Variants in ABCC2 observed in about 807,000 individuals in gnomAD.
The protein encoded by ABCC2 is ATP binding cassette subfamily C member 2, also known as ATP-binding cassette sub-family C member 2.
In ABCC2, 157 loss-of-function variants were observed where a neutral mutation model predicts 173.4. The observed-to-expected ratio is 0.91, with a 90% CI of 0.80 to 1.03. The LOEUF is 1.03. Among genes scored for constraint, ABCC2 ranks in the 50% least tolerant of loss-of-function variants. ABCC2 has a pLI of 0.00. For missense variants in ABCC2, 1,822 were observed against 1,852.3 expected, an observed-to-expected ratio of 0.98 and a Z score of 0.30; for synonymous variants, 657 against 693.5, an observed-to-expected ratio of 0.95 and a Z score of 0.83.
In ABCC2 at chr10:99,784,167, T is replaced by TATG. The variant is rs566392312; in HGVS notation, c.34-439_34-437dup. On this transcript the variant is annotated intron_variant, in intron 1 of 31. Transcript: ENST00000647814. ...GGCCATCAGAGAGCAAATGTTACAG[T>TATG]ATGACTAAGCATTCTCCCTGCATGG... Among the ~76,000 whole-genome samples, 24 of 152,188 alleles carry TATG rather than the reference T, an allele frequency of 1.6e-4. No individual in the cohort carries two copies. In the East Asian group the frequency reaches 4.1e-3, roughly 26 times the overall value.
intron 3 of ABCC2, 45 bp from the exon 4 acceptor site, chr10:99,793,506 G>A (rs1278488906): frequency 6.2e-7 from 1 of 1,613,062 alleles, no homozygotes; most frequent in Non-Finnish European, 8.5e-7. Flanking sequence ...TCAGTCCTCG[G>A]TTAGTGGCAG....
chr10:99,811,715 C>G, intron 15 of ABCC2, 113 bp downstream of exon 15: 1 of 1,206,838 alleles, frequency 8.3e-7, no homozygotes. Flanking sequence ...TGCATGTCTT[C>G]GGTTAGATAC....
At chr10:99,805,616 A>G (rs1403844610) in intron 11 of ABCC2, among the ~76,000 whole-genome samples, 169 bp downstream of exon 11, 1 of 151,952 alleles carries the variant, frequency 6.6e-6, no homozygotes, top group Non-Finnish European at 1.5e-5. Context: ...GTTGAACCCC[A>G]ATTTCTATTT....
At chr10:99,800,694 C>A in intron 9 of ABCC2, 131 bp downstream of exon 9, 1 of 1,043,008 alleles carries the variant, frequency 9.6e-7, no homozygotes. Context: ...GCCATACAGC[C>A]TCCTTTAGAT....
In ABCC2 at chr10:99,831,686, G is replaced by C; in HGVS notation, c.2959G>C (p.Val987Leu). 2.5e-6 allele frequency: 4 copies of C among 1,614,196 alleles called. No homozygotes were observed. The highest frequency in any genetic ancestry group is 1.7e-5 in the Admixed American group (1 of 60,024). ...FSIFFIILAF[V>L]MNSVAFIGSN... The stretch of plus-strand genomic sequence containing the variant: ...GATATTCTTCATCATCCTTGCGTTT[G>C]TGATGAATTCTGTGGCTTTTATTGG... Residue 987 changes from valine (V) to leucine (L), a missense_variant, in exon 22 of 32, where the codon GTG becomes CTG. Val to Leu is a conservative substitution (Grantham distance 32). Transcript: ENST00000647814.
chr10:99,819,015 G>A, intron 18 of ABCC2, 58 bp downstream of exon 18: 3 of 1,603,094 alleles, frequency 1.9e-6, no homozygotes, highest in African/African-American at 1.3e-5. Context: ...GAGAGGGGAG[G>A]ACATGTCTGG....
At chr10:99,836,685 C>T (rs562577305) in intron 25 of ABCC2, among the ~76,000 whole-genome samples, 6 of 152,170 alleles carry the variant, frequency 3.9e-5, no homozygotes, top group South Asian at 4.1e-4. Context: ...TTTCTGAGAA[C>T]GGATGTGAGA....
At chr10:99,834,609 TTCTC>T in intron 24 of ABCC2, 74 bp downstream of exon 24, 1 of 1,523,298 alleles carries the variant, frequency 6.6e-7, no homozygotes. Flanking sequence ...CCTGAGAATC[TTCTC>T]TCTGATTCAT....
chr10:99,822,474 G>GTTCA (rs1437052455), intron 19 of ABCC2, among the ~76,000 whole-genome samples: 3 of 151,876 alleles, frequency 2.0e-5, no homozygotes, highest in African/African-American at 7.3e-5. Context: ...TCTCCGATGG[G>GTTCA]TTCATTGTAG....
rs771999211 is a variant in ABCC2 at position 99,812,556 on chromosome 10, AT to A, written c.1968-459del. ...TTCCAGGTGACACATTTAGTACCTA[AT>A]TTGGGAAATGTTAATCTAGTCCAAT... On this transcript the variant is annotated intron_variant, in intron 15 of 31. Transcript: ENST00000647814. Among the ~76,000 whole-genome samples the A allele has an allele frequency of 1.2e-3, 176 of 152,302 alleles. 1 individual carries two copies. Among genetic ancestry groups the A allele is most frequent in the Non-Finnish European group, 2.0e-3 (138 of 68,018 alleles).
At chr10:99,783,015 G>A (rs1040068869) in intron 1 of ABCC2, 138 bp downstream of exon 1, 17 of 799,496 alleles carry the variant, frequency 2.1e-5, no homozygotes, top group Admixed American at 1.0e-4. Context: ...TTTTTAGAAA[G>A]CATAATTCAT....
chr10:99,824,964 G>C (rs373641807), intron 19 of ABCC2, among the ~76,000 whole-genome samples: 113 of 95,444 alleles, frequency 1.2e-3, no homozygotes, highest in Middle Eastern at 8.8e-3. Flanking sequence ...CGGTTTTTCT[G>C]TTTTCCAAGT....
intron 14 of ABCC2, among the ~76,000 whole-genome samples, chr10:99,810,641 G>A (rs2038194212): frequency 6.6e-6 from 1 of 152,230 alleles, no homozygotes; most frequent in Admixed American, 6.5e-5. Context: ...ATTCATACAA[G>A]GGGACTGGGC....
intron 19 of ABCC2, among the ~76,000 whole-genome samples, chr10:99,821,980 C>A (rs1252312431): frequency 6.6e-6 from 1 of 152,038 alleles, no homozygotes; most frequent in East Asian, 1.9e-4. Flanking sequence ...TCCTGGTGCT[C>A]TCCCTAGGCA....
At chr10:99,808,885 G>A (rs951427638) in intron 13 of ABCC2, among the ~76,000 whole-genome samples, 4 of 152,188 alleles carry the variant, frequency 2.6e-5, no homozygotes, top group Non-Finnish European at 4.4e-5. Context: ...AGAGAGCTCA[G>A]ACCATGGGAA....
intron 1 of ABCC2, 101 bp from the exon 2 acceptor site, chr10:99,784,507 G>A: frequency 8.2e-7 from 1 of 1,220,586 alleles, no homozygotes; most frequent in South Asian, 1.2e-5. Context: ...TATGGATATG[G>A]AGTTGAATTT....
At chr10:99,843,336 T>G (rs940005498) in intron 26 of ABCC2, among the ~76,000 whole-genome samples, 1 of 152,254 alleles carries the variant, frequency 6.6e-6, no homozygotes, top group Non-Finnish European at 1.5e-5. Flanking sequence ...GTGGCTCCCT[T>G]TCTTTAACCA....
chr10:99,794,115 A>C, intron 5 of ABCC2, 116 bp downstream of exon 5: 2 of 971,950 alleles, frequency 2.1e-6, no homozygotes, highest in Non-Finnish European at 3.1e-6. Context: ...ATAAGGTAGT[A>C]CAGACCATTT....
chr10:99,818,833 C>A lies in ABCC2; in HGVS notation c.2315C>A (p.Ala772Asp). ...SGGQKQRISLARATYQNLDIY... is the reference protein window; with the variant it reads ...SGGQKQRISLDRATYQNLDIY... ...GGTCAGAAGCAGCGGATCAGCCTGGCCAGAGCTACCTACCAAAATTTAGAC... is the reference window on the plus strand; with the variant it reads ...GGTCAGAAGCAGCGGATCAGCCTGGACAGAGCTACCTACCAAAATTTAGAC... Residue 772 changes from alanine to aspartate, a missense_variant, in exon 18 of 32, where the codon GCC (alanine) becomes GAC (aspartate). Physicochemically the swap from Ala to Asp is moderately radical, Grantham distance 126. Transcript: ENST00000647814. The A allele has an allele frequency of 6.2e-7, 1 of 1,614,142 alleles. No homozygotes were observed. Among genetic ancestry groups the A allele is most frequent in the Non-Finnish European group, 8.5e-7 (1 of 1,180,032 alleles).
Sources: allele counts gnomAD v4.1 joint callset (sites outside exome capture counted in the v4.1 genomes callset), GRCh38; gene constraint gnomAD v4.1.1; transcripts MANE v1.5; gene names NCBI Gene and HGNC (gene_info 2026-07-23, HGNC 2026-07-21).